The following FANCC variants were observed in gnomAD, a reference collection of about 807,000 sequenced individuals.
FANCC encodes FA complementation group C, also known as Fanconi anemia group C protein.
A neutral mutation model predicts 71.3 loss-of-function variants in FANCC; 55 were observed. That is an observed-to-expected ratio of 0.77 (90% CI 0.62 to 0.97). The LOEUF is 0.97. Among genes scored for constraint, FANCC ranks in the 50% least tolerant of loss-of-function variants. The pLI is 0.00. For missense variants in FANCC, 678 were observed against 670.9 expected (o/e 1.01, Z -0.12); for synonymous variants, 275 against 244.9 (o/e 1.12, Z -1.15).
chr9:95,165,468 T>C (rs1252496983), intron 6 of FANCC, among the ~76,000 whole-genome samples: 3 of 151,998 alleles, frequency 2.0e-5, no homozygotes, highest in Non-Finnish European at 4.4e-5. Context: ...CTGCATCCCA[T>C]AGGTTGTGAT....
At chr9:95,274,496 G>T (rs1202277457) in intron 1 of FANCC, among the ~76,000 whole-genome samples, 2 of 152,154 alleles carry the variant, frequency 1.3e-5, no homozygotes, top group Non-Finnish European at 2.9e-5. Flanking sequence ...ACATTTGCAT[G>T]TGTCTTTATA....
chr9:95,132,655 C>G (rs999463406), intron 8 of FANCC, among the ~76,000 whole-genome samples: 5 of 152,134 alleles, frequency 3.3e-5, no homozygotes, highest in Admixed American at 6.5e-5. Flanking sequence ...CAAAAGTGAA[C>G]GGGTTTTGAA....
intron 4 of FANCC, among the ~76,000 whole-genome samples, chr9:95,188,248 C>T (rs1183501269): frequency 6.6e-6 from 1 of 152,210 alleles, no homozygotes; most frequent in East Asian, 1.9e-4. Flanking sequence ...GCAATCTTCA[C>T]TGTCTCTTCC....
chr9:95,295,366 A>ACAAAACAAAACAAAG (rs915937585), intron 1 of FANCC, among the ~76,000 whole-genome samples: 4 of 152,160 alleles, frequency 2.6e-5, no homozygotes, highest in Non-Finnish European at 5.9e-5. Context: ...AAAAAACAAA[A>ACAAAACAAAACAAAG]CAAAACAAAA....
At chr9:95,123,448 C>T (rs568239745) in intron 10 of FANCC, 5 of 459,732 alleles carry the variant, frequency 1.1e-5, no homozygotes, top group South Asian at 4.7e-5. Context: ...GAGACCAGCC[C>T]GGGCAACATG....
At chr9:95,272,841 G>A (rs887191340) in intron 1 of FANCC, among the ~76,000 whole-genome samples, 2 of 152,216 alleles carry the variant, frequency 1.3e-5, no homozygotes, top group Non-Finnish European at 2.9e-5. Flanking sequence ...AAATGCCTGT[G>A]AAGTAGCTTG....
intron 6 of FANCC, among the ~76,000 whole-genome samples, chr9:95,167,019 T>A (rs1825343108): frequency 6.6e-6 from 1 of 152,226 alleles, no homozygotes; most frequent in East Asian, 1.9e-4. Flanking sequence ...CTTTTGTTTA[T>A]CTGGGAATGT....
At position 95,107,258 on chromosome 9, in the gene FANCC, C is replaced by T; in HGVS notation, c.1341G>A (p.Lys447=). ...QQRAQTMVQV[K]AVLGHLLAMS... ...TTGCCAGGAGGTGGCCCAGCACGGCCTTCACCTGGACCTGGGCAATAGTAT... is the reference window on the plus strand; with the variant it reads ...TTGCCAGGAGGTGGCCCAGCACGGCTTTCACCTGGACCTGGGCAATAGTAT... Residue 447 remains lysine, a synonymous_variant, in exon 14 of 15, where the codon AAG becomes AAA. Coordinates refer to ENST00000289081, the MANE Select transcript of FANCC (RefSeq NM_000136.3). 6.2e-7 allele frequency: 1 copy of T among 1,613,856 alleles called. No homozygotes were observed. The highest frequency in any genetic ancestry group is 8.5e-7 in the Non-Finnish European group (1 of 1,179,990).
At chr9:95,149,808 A>T in intron 7 of FANCC, 115 bp downstream of exon 7, 1 of 1,175,052 alleles carries the variant, frequency 8.5e-7, no homozygotes, top group Non-Finnish European at 1.2e-6. Context: ...AAGAGTATAA[A>T]GGGTACTGAG....
chr9:95,247,236 T>TG (rs1554857747), intron 3 of FANCC, among the ~76,000 whole-genome samples, 196 bp downstream of exon 3: 1 of 151,616 alleles, frequency 6.6e-6, no homozygotes, highest in East Asian at 1.9e-4. Context: ...TGTGTGTGTG[T>TG]TTATCTATAC....
chr9:95,205,198 A>G (rs1828043919), intron 4 of FANCC, among the ~76,000 whole-genome samples: 1 of 152,220 alleles, frequency 6.6e-6, no homozygotes, highest in Non-Finnish European at 1.5e-5. Context: ...CAATGTCATT[A>G]TAAATTCTAA....
intron 2 of FANCC, among the ~76,000 whole-genome samples, chr9:95,247,766 T>C (rs1338717043): frequency 6.6e-6 from 1 of 152,206 alleles, no homozygotes; most frequent in South Asian, 2.1e-4. Context: ...AAATCAATTG[T>C]GTTGCAAAAT....
At chr9:95,175,663 T>C (rs1463869843) in intron 4 of FANCC, among the ~76,000 whole-genome samples, 1 of 152,184 alleles carries the variant, frequency 6.6e-6, no homozygotes, top group Non-Finnish European at 1.5e-5. Context: ...GTGGAAGTGC[T>C]TACTGCCAGC....
chr9:95,161,442 C>T (rs1830740577), intron 6 of FANCC, among the ~76,000 whole-genome samples: 1 of 152,160 alleles, frequency 6.6e-6, no homozygotes, highest in East Asian at 1.9e-4. Flanking sequence ...GAGCACTCAT[C>T]GAGAGACTAA....
chr9:95,132,181 G>A (rs1588125077), intron 8 of FANCC, among the ~76,000 whole-genome samples: 1 of 152,160 alleles, frequency 6.6e-6, no homozygotes, highest in South Asian at 2.1e-4. Context: ...CAAATGGGAG[G>A]GCATGAGAAT....
chr9:95,293,509 A>T (rs758289135), intron 1 of FANCC: 1 of 1,592,474 alleles, frequency 6.3e-7, no homozygotes, highest in Non-Finnish European at 8.6e-7. Flanking sequence ...AACTTGGGTA[A>T]AAGTCCATCT....
chr9:95,298,467 A>G (rs1834528881), intron 1 of FANCC, among the ~76,000 whole-genome samples: 1 of 152,212 alleles, frequency 6.6e-6, no homozygotes, highest in Non-Finnish European at 1.5e-5. Context: ...GAAGACATAG[A>G]TGTAGAAACA....
chr9:95,195,479 C>T (rs1383744363), intron 4 of FANCC, among the ~76,000 whole-genome samples: 1 of 152,074 alleles, frequency 6.6e-6, no homozygotes, highest in East Asian at 1.9e-4. Flanking sequence ...ATCTATGTGT[C>T]CACGCCTCTG....
chr9:95,217,218 G>A (rs1588296722), intron 4 of FANCC, among the ~76,000 whole-genome samples: 1 of 152,158 alleles, frequency 6.6e-6, no homozygotes, highest in East Asian at 1.9e-4. Context: ...GGGCCTGGGG[G>A]CTCACACCTG....
Sources: gnomAD v4.1 joint callset for allele counts (sites outside exome capture counted in the v4.1 genomes callset) on GRCh38, gnomAD v4.1.1 for gene constraint, MANE v1.5 for transcripts, NCBI Gene and HGNC (gene_info 2026-07-23, HGNC 2026-07-21) for gene names.